Variants in KIF14 observed in about 807,000 individuals in gnomAD.
KIF14 encodes the protein kinesin family member 14.
A neutral mutation model predicts 176.2 loss-of-function variants in KIF14; 98 were observed. That is an observed-to-expected ratio of 0.56 (90% CI 0.47 to 0.66). The LOEUF is 0.66. KIF14 is among the 30% of genes least tolerant of loss of function. KIF14 has a pLI of 0.00. For missense variants in KIF14, 1,751 were observed against 1,920.4 expected (o/e 0.91, Z 1.65); for synonymous variants, 566 against 632.2 (o/e 0.90, Z 1.57).
rs763960016 is a variant in KIF14 at position 200,565,585 on chromosome 1, G to A, written c.3746C>T (p.Ser1249Leu). Residue 1249 changes from serine (S) to leucine (L), a missense_variant, in exon 24 of 30, where the codon TCG (serine) becomes TTG (leucine). By Grantham distance (145) the Ser-to-Leu change is moderately radical. Coordinates refer to ENST00000367350, the MANE Select transcript of KIF14 (RefSeq NM_014875.3). ...ATAACTCTGTCCAAAAAAATCTAAC[G>A]AAGAACCAATCAATTCTTTGCAAAT... is the stretch of plus-strand genomic sequence containing the variant. The part of the protein sequence containing the change: ...PGICKELIGS[S>L]LDFFGQSYDE... 51 of 1,611,992 alleles carry A rather than the reference G, an allele frequency of 3.2e-5. No individual in the cohort carries two copies. Among genetic ancestry groups the A allele is most frequent in the Non-Finnish European group, 3.9e-5 (46 of 1,179,658 alleles).
At position 200,618,742 on chromosome 1, in the gene KIF14, T is replaced by C; in HGVS notation, c.-19A>G. On this transcript the variant is annotated 5_prime_UTR_variant, in exon 2 of 30. Transcript: ENST00000367350. ...ATGACATTTTGGCAGACAGTTATTT[T>C]AAAAAAGAATGTTACTAAGACCCTA... 6.4e-7 allele frequency: 1 copy of C among 1,561,482 alleles called. No homozygotes were observed. Among genetic ancestry groups the C allele is most frequent in the Non-Finnish European group, 8.7e-7 (1 of 1,152,356 alleles).
chr1:200,558,867 G>A (rs1327159904), intron 27 of KIF14, among the ~76,000 whole-genome samples: 2 of 152,118 alleles, frequency 1.3e-5, no homozygotes, highest in Non-Finnish European at 2.9e-5. Context: ...ACATATTTTA[G>A]GAAATCACTG....
At chr1:200,582,323 A>G (rs911881035) in intron 19 of KIF14, among the ~76,000 whole-genome samples, 3 of 152,052 alleles carry the variant, frequency 2.0e-5, no homozygotes, top group African/African-American at 7.2e-5. Context: ...GCAGTCAGCT[A>G]TGATGGCACT....
In KIF14 at chr1:200,588,249, T is replaced by TTTTG. The variant is rs1553257804; in HGVS notation, c.3114+967_3114+968insCAAA. Among the ~76,000 whole-genome samples, 488 of 61,744 alleles carry TTTTG rather than the reference T, an allele frequency of 7.9e-3. 1 individual carries two copies. Among genetic ancestry groups the TTTTG allele is most frequent in the African/African-American group, 0.065 (469 of 7,168 alleles). 40.5% of individuals were successfully genotyped at this position (61,744 alleles called of 152,430 possible). The stretch of plus-strand genomic sequence containing the variant: ...GCTTTTTGTTTGTTTGTTTGTTTTG[T>TTTTG]TTTTTTTTTTTTGACAGAGTCTTGC... On this transcript the variant is annotated intron_variant, in intron 18 of 29. Coordinates refer to ENST00000367350, the MANE Select transcript of KIF14 (RefSeq NM_014875.3).
intron 14 of KIF14, among the ~76,000 whole-genome samples, chr1:200,597,325 T>C (rs1659403342): frequency 6.6e-6 from 1 of 152,132 alleles, no homozygotes; most frequent in Non-Finnish European, 1.5e-5. Flanking sequence ...AAGATATTTA[T>C]ACCAAAAAGC....
At chr1:200,593,868 G>T in intron 14 of KIF14, 99 bp from the exon 15 acceptor site, 55 of 531,956 alleles carry the variant, frequency 1.0e-4, no homozygotes, top group Non-Finnish European at 1.3e-4. Flanking sequence ...TTCCTTTGGT[G>T]TTAAGATTCA....
chr1:200,593,646 T>C, intron 15 of KIF14, 21 bp downstream of exon 15: 2 of 1,397,830 alleles, frequency 1.4e-6, no homozygotes, highest in African/African-American at 1.4e-5. Context: ...GTTTCTTATA[T>C]TATAGCACCC....
At chr1:200,560,044 C>T (rs1056314339) in intron 26 of KIF14, among the ~76,000 whole-genome samples, 12 of 152,150 alleles carry the variant, frequency 7.9e-5, no homozygotes, top group African/African-American at 2.6e-4. Flanking sequence ...TGTGAGCCAC[C>T]GCCCCCAGCC....
chr1:200,605,604 C>A (rs921632464), intron 7 of KIF14, among the ~76,000 whole-genome samples: 1 of 152,034 alleles, frequency 6.6e-6, no homozygotes, highest in Non-Finnish European at 1.5e-5. Flanking sequence ...ATTCCCATTG[C>A]CTTTTTTTCT....
At position 200,553,408 on chromosome 1, in the gene KIF14, T is replaced by G. The variant is rs758562534; in HGVS notation, c.4927A>C (p.Ser1643Arg). 1.9e-6 allele frequency: 3 copies of G among 1,611,354 alleles called. No homozygotes were observed. Among genetic ancestry groups the G allele is most frequent in the Non-Finnish European group, 8.5e-7 (1 of 1,178,844 alleles). Residue 1643 changes from serine (S) to arginine (R), a missense_variant, in exon 30 of 30, where the codon AGT becomes CGT. Coordinates refer to ENST00000367350, the MANE Select transcript of KIF14 (RefSeq NM_014875.3). ...PAVSSEECTP[S>R]RIQWV The stretch of plus-strand genomic sequence containing the variant: ...AGTATTCACACCCACTGAATCCTAC[T>G]GGGTGTGCATTCCTCTGAGCTCACT...
At chr1:200,594,188 G>C (rs113670324) in intron 14 of KIF14, among the ~76,000 whole-genome samples, 5,344 of 151,448 alleles carry the variant, frequency 0.035, 338 homozygotes, top group African/African-American at 0.12. Context: ...ACCTGCCTCG[G>C]CCTCCCAAAA....
At chr1:200,559,553 G>T in intron 26 of KIF14, 101 bp from the exon 27 acceptor site, 1 of 632,664 alleles carries the variant, frequency 1.6e-6, no homozygotes, top group Non-Finnish European at 2.3e-6. Flanking sequence ...AAGTAATTAA[G>T]TTATATTTTC....
chr1:200,606,630 A>C, intron 6 of KIF14, 116 bp downstream of exon 6: 1 of 877,168 alleles, frequency 1.1e-6, no homozygotes, highest in South Asian at 1.4e-5. Flanking sequence ...ATAAATAGTT[A>C]CCCAGGGTTT....
chr1:200,558,501 T>C (rs1341852891), intron 27 of KIF14, among the ~76,000 whole-genome samples: 1 of 152,206 alleles, frequency 6.6e-6, no homozygotes, highest in African/African-American at 2.4e-5. Context: ...CAAAATACTC[T>C]AATTCAATGA....
chr1:200,583,307 GTTATGGCAATGC>G (rs1658560553), intron 19 of KIF14, among the ~76,000 whole-genome samples: 1 of 152,030 alleles, frequency 6.6e-6, no homozygotes, highest in South Asian at 2.1e-4. Flanking sequence ...TATTAATATA[GTTATGGCAATGC>G]TTAAAAGAGT....
intron 19 of KIF14, among the ~76,000 whole-genome samples, chr1:200,584,206 ACT>A (rs1553257174): frequency 1.2e-5 from 1 of 84,834 alleles, no homozygotes; most frequent in Non-Finnish European, 2.2e-5. Context: ...AACACATAAG[ACT>A]CTGTTTCAAA....
chr1:200,582,235 A>C (rs1279529151), intron 19 of KIF14, among the ~76,000 whole-genome samples: 1 of 152,080 alleles, frequency 6.6e-6, no homozygotes, highest in Non-Finnish European at 1.5e-5. Context: ...TTAGCCAAGC[A>C]AGGAAGCATG....
At chr1:200,579,541 G>A (rs996770153) in intron 21 of KIF14, among the ~76,000 whole-genome samples, 26 of 151,430 alleles carry the variant, frequency 1.7e-4, no homozygotes, top group African/African-American at 4.9e-4. Context: ...CCCGGGAGGC[G>A]GAGGTTGCAG....
chr1:200,590,877 T>C (rs1285093035), intron 16 of KIF14, among the ~76,000 whole-genome samples: 12 of 152,024 alleles, frequency 7.9e-5, no homozygotes, highest in Admixed American at 6.6e-4. Context: ...AATTCAAAAA[T>C]TAGCCAGGCG....
Sources: allele counts gnomAD v4.1 joint callset (sites outside exome capture counted in the v4.1 genomes callset), GRCh38; gene constraint gnomAD v4.1.1; transcripts MANE v1.5; gene names NCBI Gene and HGNC (gene_info 2026-07-23, HGNC 2026-07-21).